The following KDM6A variants were observed in gnomAD, a reference collection of about 807,000 sequenced individuals.
The protein encoded by KDM6A is lysine demethylase 6A.
Under a neutral mutation model 117.6 loss-of-function variants are expected in KDM6A, and 11 were observed. The observed-to-expected ratio is 0.09, with a 90% CI of 0.06 to 0.15. KDM6A has a LOEUF of 0.15. KDM6A is among the 10% of genes least tolerant of loss of function. KDM6A has a pLI of 1.00. For missense variants in KDM6A, 799 were observed against 1,077.3 expected (o/e 0.74, Z 3.62); for synonymous variants, 384 against 396.1 (o/e 0.97, Z 0.36).
intron 2 of KDM6A, among the ~76,000 whole-genome samples, chrX:44,904,465 T>C (rs1377620850): frequency 8.9e-6 from 1 of 112,181 alleles, no homozygotes; most frequent in Non-Finnish European, 1.9e-5. Context: ...CATCTCAGTC[T>C]CCTGCTTTTC....
intron 7 of KDM6A, 28 bp downstream of exon 7, chrX:45,035,013 C>T (rs1216864388): frequency 7.7e-6 from 8 of 1,041,276 alleles, no homozygotes; most frequent in Middle Eastern, 5.0e-4. Flanking sequence ...CTGTAGTTTT[C>T]TACATGTATT....
intron 4 of KDM6A, among the ~76,000 whole-genome samples, chrX:44,998,655 T>C (rs930971478): frequency 2.7e-5 from 3 of 111,727 alleles, no homozygotes; most frequent in African/African-American, 6.5e-5. Flanking sequence ...TAATAGCAGA[T>C]TTTTTTCCCC....
rs748433851 is a variant in KDM6A at position 45,082,773 on chromosome X, C to T, written c.3424C>T (p.Leu1142=). 8.4e-7 allele frequency: 1 copy of T among 1,185,579 alleles called. No homozygotes were observed. Among genetic ancestry groups the T allele is most frequent in the South Asian group, 1.8e-5 (1 of 56,300 alleles). The change falls in exon 23 of 30, where the codon CTA becomes TTA. Residue 1142 remains leucine (L), a synonymous_variant. Transcript: ENST00000611820. ...KTIKFGTNID[L]SDDKKWKLQL... ...CATAAAGTTTGGGACCAATATTGAC[C>T]TATCTGATGACAAAAAGTAAGTCCT...
intron 21 of KDM6A, among the ~76,000 whole-genome samples, chrX:45,080,246 A>G (rs1046891556): frequency 9.0e-6 from 1 of 110,914 alleles, no homozygotes; most frequent in Non-Finnish European, 1.9e-5. Context: ...TGCAGGAAAC[A>G]TTAGTGTTCT....
chrX:45,005,971 C>T (rs1602542545), intron 4 of KDM6A, among the ~76,000 whole-genome samples: 1 of 56,542 alleles, frequency 1.8e-5, no homozygotes, highest in East Asian at 7.0e-4. Context: ...ACCCCCCCAC[C>T]CCCCCCACCC....
Position 45,063,747 on chromosome X carries a change from C to T in KDM6A, c.2009C>T (p.Pro670Leu). Residue 670 changes from proline to leucine, a missense_variant, in exon 17 of 30, where the codon CCT (proline) becomes CTT (leucine). Transcript: ENST00000611820. ...PYLQRNALTL[P>L]HNRTNLTSSA... ...CTGCAGCGAAACGCACTCACTCTACCTCATAACCGCACAAACCTGACCAGC... is the reference window on the plus strand; with the variant it reads ...CTGCAGCGAAACGCACTCACTCTACTTCATAACCGCACAAACCTGACCAGC... 2 of 1,207,345 alleles carry T rather than the reference C, an allele frequency of 1.7e-6. No individual in the cohort carries two copies. Among genetic ancestry groups the T allele is most frequent in the Non-Finnish European group, 2.2e-6 (2 of 892,968 alleles).
rs754183977 is a variant in KDM6A, at chrX:44,961,260, A to G, written c.226-24A>G. On this transcript the variant is annotated intron_variant, in intron 2 of 29. Coordinates refer to ENST00000611820, the MANE Select transcript of KDM6A (RefSeq NM_001291415.2). ...TTTTAGGGCTTTATTTTTTGCTTAC[A>G]TATTTGTATTTTTTTATTTCTAGGC... The G allele has an allele frequency of 6.3e-6, 7 of 1,110,248 alleles. No homozygotes were observed. The Admixed American group carries it at 1.6e-4, about 25-fold the overall frequency. 91.5% of individuals were successfully genotyped at this position (1,110,248 alleles called of 1,213,427 possible). A position where few individuals can be genotyped will look rare whatever the true frequency, so the allele number is the denominator to read the frequency against.
chrX:45,045,589 A>G (rs1436212306), intron 8 of KDM6A, among the ~76,000 whole-genome samples: 7 of 79,601 alleles, frequency 8.8e-5, no homozygotes, highest in Non-Finnish European at 1.4e-4. Context: ...CTGTCTCAAG[A>G]AAAAAAAAAA....
rs1295697096 is a variant in KDM6A at position 45,078,471 on chromosome X, A to G, written c.3060A>G (p.Thr1020=). 6.6e-6 allele frequency: 8 copies of G among 1,209,737 alleles called. No individual in the cohort carries two copies. Among genetic ancestry groups the G allele is most frequent in the Non-Finnish European group, 8.9e-6 (8 of 894,250 alleles). The change falls in exon 20 of 30, where the codon ACA becomes ACG. Residue 1020 remains threonine (T), a synonymous_variant. Transcript: ENST00000611820. The part of the protein sequence containing the change: ...QFCTNPNNPV[T]VIRGLAGALK... ...GTACAAATCCGAACAACCCTGTTAC[A>G]GTAATACGTGGCCTTGCTGGAGCTC...
chrX:44,907,507 G>A (rs900983435), intron 2 of KDM6A, among the ~76,000 whole-genome samples: 4 of 93,681 alleles, frequency 4.3e-5, no homozygotes, highest in South Asian at 5.3e-4. Flanking sequence ...CTGAGACAGC[G>A]TCTTGTTCTG....
At chrX:44,904,923 GTTA>G (rs749249532) in intron 2 of KDM6A, among the ~76,000 whole-genome samples, 1 of 112,135 alleles carries the variant, frequency 8.9e-6, no homozygotes, top group East Asian at 2.8e-4. Context: ...CGTTTCCAGA[GTTA>G]TTATAAAGTT....
At chrX:45,045,112 A>T (rs2043470923) in intron 8 of KDM6A, among the ~76,000 whole-genome samples, 1 of 111,868 alleles carries the variant, frequency 8.9e-6, no homozygotes, top group South Asian at 3.7e-4. Context: ...TAAGTGTACA[A>T]CTCACTGACA....
intron 2 of KDM6A, among the ~76,000 whole-genome samples, chrX:44,904,240 C>G (rs1050192537): frequency 1.8e-5 from 2 of 111,973 alleles, no homozygotes; most frequent in Admixed American, 9.5e-5. Flanking sequence ...ACCACTAAGT[C>G]TCCCAGTCTT....
chrX:44,896,904 G>T (rs962568531), intron 2 of KDM6A, among the ~76,000 whole-genome samples: 7 of 110,143 alleles, frequency 6.4e-5, no homozygotes, highest in African/African-American at 9.9e-5. Context: ...CTGTTTTCAA[G>T]ATTTTTTTGT....
chrX:44,884,760 T>G (rs1482536289), intron 2 of KDM6A, among the ~76,000 whole-genome samples: 1 of 111,640 alleles, frequency 9.0e-6, no homozygotes, highest in Non-Finnish European at 1.9e-5. Context: ...TACTTTGACT[T>G]TGTATCTGAC....
intron 3 of KDM6A, among the ~76,000 whole-genome samples, chrX:44,970,292 G>C (rs1390852348): frequency 8.9e-6 from 1 of 111,894 alleles, no homozygotes; most frequent in East Asian, 2.8e-4. Context: ...TTGTGACTTT[G>C]AATTTGAGCA....
At chrX:45,108,361 A>C (rs773228608) in intron 28 of KDM6A, among the ~76,000 whole-genome samples, 1 of 112,201 alleles carries the variant, frequency 8.9e-6, no homozygotes, top group East Asian at 2.8e-4. Context: ...TTTATAGCAC[A>C]TCTTGAATGG....
At chrX:44,874,651 G>T (rs1602001149) in intron 2 of KDM6A, among the ~76,000 whole-genome samples, 1 of 110,960 alleles carries the variant, frequency 9.0e-6, no homozygotes, top group East Asian at 2.8e-4. Flanking sequence ...GTCTGACAGG[G>T]GAGGCTGGGG....
intron 3 of KDM6A, among the ~76,000 whole-genome samples, chrX:44,964,017 G>A (rs894144619): frequency 2.7e-5 from 3 of 110,211 alleles, no homozygotes; most frequent in Non-Finnish European, 5.7e-5. Flanking sequence ...CACTGCGCCC[G>A]GCCTTTTGAC....
Sources: allele counts gnomAD v4.1 joint callset (sites outside exome capture counted in the v4.1 genomes callset), GRCh38; gene constraint gnomAD v4.1.1; transcripts MANE v1.5; gene names NCBI Gene and HGNC (gene_info 2026-07-23, HGNC 2026-07-21).